PCSK5: variants seen among roughly 807,000 people sequenced by gnomAD.
PCSK5 encodes prohormone convertase 5.
Under a neutral mutation model 233.2 loss-of-function variants are expected in PCSK5, and 129 were observed. The ratio of observed to expected loss-of-function variants is 0.55; its 90% CI spans 0.48 to 0.64. The LOEUF (loss-of-function observed/expected upper bound fraction) is 0.64, where lower values mean the gene tolerates loss of function less well. Ranked by LOEUF, PCSK5 falls within the 30% of genes least tolerant of loss-of-function variation. The pLI, the probability that PCSK5 is intolerant of heterozygous loss-of-function variation, is 0.00. For synonymous variants in PCSK5, 825 were observed against 879.2 expected (o/e 0.94, Z 1.09); for missense variants, 2,076 against 2,430.1 (o/e 0.85, Z 3.06).
chr9:76,222,093 A>G (rs1400172890), intron 20 of PCSK5, among the ~76,000 whole-genome samples: 1 of 152,138 alleles, frequency 6.6e-6, no homozygotes, highest in African/African-American at 2.4e-5. Flanking sequence ...AAGGAAGAAG[A>G]CAGAGTTTTC....
chr9:76,294,053 C>A (rs1242574168), intron 25 of PCSK5, among the ~76,000 whole-genome samples: 1 of 152,034 alleles, frequency 6.6e-6, no homozygotes, highest in East Asian at 1.9e-4. Flanking sequence ...AAAAATTAGC[C>A]GAGTGTGGTG....
chr9:76,242,305 G>A (rs1344428060), intron 24 of PCSK5, among the ~76,000 whole-genome samples: 1 of 151,980 alleles, frequency 6.6e-6, no homozygotes, highest in East Asian at 1.9e-4. Context: ...TTATATTGTG[G>A]CTATCACCAC....
rs7875599 is a variant in PCSK5, at chr9:76,176,861, A to G, written c.1900+1732A>G. On this transcript the variant is annotated intron_variant, in intron 14 of 37. Coordinates refer to ENST00000674117, the MANE Select transcript of PCSK5 (RefSeq NM_001372043.1). Reference sequence around the variant, plus strand: ...TTTAGGTATTACAGCCTTATCGTCTACAAATTGGTTTTGTTGTCCTTCTTG... The same window carrying G: ...TTTAGGTATTACAGCCTTATCGTCTGCAAATTGGTTTTGTTGTCCTTCTTG... 9.4e-3 allele frequency among the ~76,000 whole-genome samples: 1,436 copies of G among 152,310 alleles called. 19 individuals are homozygous for G. Among genetic ancestry groups the G allele is most frequent in the African/African-American group, 0.033 (1,383 of 41,562 alleles).
chr9:76,295,165 A>G (rs922753909), intron 25 of PCSK5, 110 bp from the exon 26 acceptor site: 1 of 1,016,998 alleles, frequency 9.8e-7, no homozygotes, highest in East Asian at 2.6e-5. Context: ...AACAAAACAA[A>G]ACAAAACGAA....
chr9:76,290,471 G>A (rs1267936227), intron 24 of PCSK5, among the ~76,000 whole-genome samples: 1 of 152,214 alleles, frequency 6.6e-6, no homozygotes, highest in Non-Finnish European at 1.5e-5. Flanking sequence ...CCTCCCATGA[G>A]CAGATAACAG....
At chr9:76,285,951 A>G (rs1385442748) in intron 24 of PCSK5, among the ~76,000 whole-genome samples, 1 of 152,232 alleles carries the variant, frequency 6.6e-6, no homozygotes, top group Non-Finnish European at 1.5e-5. Flanking sequence ...TGAGAAAAAA[A>G]GAGGAAAGAA....
At chr9:76,299,607 G>A (rs145090426) in intron 27 of PCSK5, among the ~76,000 whole-genome samples, 2 of 152,172 alleles carry the variant, frequency 1.3e-5, no homozygotes, top group African/African-American at 4.8e-5. Flanking sequence ...AGGAGGCAGA[G>A]GTTGCAGTGA....
At chr9:76,035,644 C>T (rs1025146945) in intron 5 of PCSK5, among the ~76,000 whole-genome samples, 4 of 152,120 alleles carry the variant, frequency 2.6e-5, no homozygotes, top group African/African-American at 4.8e-5. Flanking sequence ...GGGGCCTTTA[C>T]AGCAGATGGA....
At chr9:76,162,456 A>G (rs377307708) in intron 12 of PCSK5, among the ~76,000 whole-genome samples, 1 of 152,074 alleles carries the variant, frequency 6.6e-6, no homozygotes, top group African/African-American at 2.4e-5. Context: ...GGGCACAGAA[A>G]GGGGTGGAGA....
intron 22 of PCSK5, among the ~76,000 whole-genome samples, chr9:76,234,245 A>G (rs946103230): frequency 6.6e-6 from 1 of 152,154 alleles, no homozygotes; most frequent in Non-Finnish European, 1.5e-5. Flanking sequence ...AAATTTAAAA[A>G]TTGGGACATT....
chr9:76,091,331 G>A (rs1477091147), intron 7 of PCSK5, among the ~76,000 whole-genome samples: 1 of 151,772 alleles, frequency 6.6e-6, no homozygotes, highest in Non-Finnish European at 1.5e-5. Context: ...GAGAGAGAGA[G>A]AAAGCGAGCG....
At chr9:76,147,201 C>T (rs944006861) in intron 10 of PCSK5, among the ~76,000 whole-genome samples, 1 of 152,128 alleles carries the variant, frequency 6.6e-6, no homozygotes, top group African/African-American at 2.4e-5. Context: ...AGTATCTAGA[C>T]CAATCTGTCC....
chr9:76,255,462 G>C (rs1587809181), intron 24 of PCSK5, among the ~76,000 whole-genome samples: 1 of 152,302 alleles, frequency 6.6e-6, no homozygotes, highest in East Asian at 1.9e-4. Context: ...AGAATGTATT[G>C]TTCAGCTAGG....
At chr9:76,200,111 C>G (rs78252484) in intron 20 of PCSK5, among the ~76,000 whole-genome samples, 24,041 of 151,978 alleles carry the variant, frequency 0.16, 2,366 homozygotes, top group Non-Finnish European at 0.22. Context: ...CCTATTTTCT[C>G]TCCTTTCCCT....
chr9:76,225,065 C>A (rs1288689529), intron 20 of PCSK5, among the ~76,000 whole-genome samples: 1 of 152,212 alleles, frequency 6.6e-6, no homozygotes, highest in African/African-American at 2.4e-5. Context: ...CCTACAGGCA[C>A]TGATGTCAAG....
rs12346350 is a variant in PCSK5 at position 76,171,542 on chromosome 9, C to T, written c.1756+1702C>T. Among the ~76,000 whole-genome samples the T allele has an allele frequency of 7.7e-3, 1,175 of 152,280 alleles. 14 individuals carry two copies. The highest frequency in any genetic ancestry group is 0.027 in the African/African-American group (1,125 of 41,552). ...GATAAGCCCAGGCTGCTCCTAAGGG[C>T]TACTGGTTAACCATGCATTGCATCT... On this transcript the variant is annotated intron_variant, in intron 13 of 37. Transcript: ENST00000674117.
chr9:75,923,969 T>C (rs1823364717), intron 1 of PCSK5, among the ~76,000 whole-genome samples: 1 of 152,164 alleles, frequency 6.6e-6, no homozygotes, highest in Non-Finnish European at 1.5e-5. Flanking sequence ...CTTTCTCTAA[T>C]TGCTGCTTCC....
At chr9:76,065,713 A>G (rs1830262502) in intron 5 of PCSK5, among the ~76,000 whole-genome samples, 1 of 152,188 alleles carries the variant, frequency 6.6e-6, no homozygotes. Flanking sequence ...GGTGTTACTC[A>G]AAAAAATCTC....
At chr9:75,912,593 G>C (rs1344111784) in intron 1 of PCSK5, among the ~76,000 whole-genome samples, 1 of 152,176 alleles carries the variant, frequency 6.6e-6, no homozygotes, top group African/African-American at 2.4e-5. Context: ...TGAGGAGGAA[G>C]CCTATAGGTC....
Sources: gnomAD v4.1 joint callset for allele counts (sites outside exome capture counted in the v4.1 genomes callset) on GRCh38, gnomAD v4.1.1 for gene constraint, MANE v1.5 for transcripts, NCBI Gene and HGNC (gene_info 2026-07-23, HGNC 2026-07-21) for gene names.